Variants in ETNK1 observed in about 807,000 individuals in gnomAD.
The protein encoded by ETNK1 is ethanolamine kinase 1, also known as putative protein product of Nbla10396.
Under a neutral mutation model 45.1 loss-of-function variants are expected in ETNK1, and 8 were observed. The observed-to-expected ratio is 0.18, with a 90% CI of 0.10 to 0.32. ETNK1 has a LOEUF of 0.32. Ranked by LOEUF, ETNK1 falls within the 10% of genes least tolerant of loss-of-function variation. The pLI, the probability that ETNK1 is intolerant of heterozygous loss-of-function variation, is 1.00. For synonymous variants in ETNK1, 152 were observed against 151.9 expected (o/e 1.00, Z -0.01); for missense variants, 302 against 430.6 (o/e 0.70, Z 2.64).
intron 6 of ETNK1, among the ~76,000 whole-genome samples, chr12:22,674,311 A>G (rs1224062880): frequency 6.6e-6 from 1 of 152,180 alleles, no homozygotes; most frequent in Admixed American, 6.5e-5. Flanking sequence ...AGCCAAAGCT[A>G]TTTTAGCTGC....
At chr12:22,668,152 A>G (rs1241871441) in intron 4 of ETNK1, among the ~76,000 whole-genome samples, 2 of 152,190 alleles carry the variant, frequency 1.3e-5, no homozygotes, top group African/African-American at 4.8e-5. Flanking sequence ...TCTCTTCCTA[A>G]GAAAGTGCAC....
chr12:22,650,111 A>G (rs1352321218), intron 2 of ETNK1, among the ~76,000 whole-genome samples: 2 of 152,062 alleles, frequency 1.3e-5, no homozygotes, highest in Non-Finnish European at 2.9e-5. Flanking sequence ...CATTACTGGT[A>G]TGTAGGAAAG....
chr12:22,637,792 T>C (rs962620882), intron 1 of ETNK1, among the ~76,000 whole-genome samples: 5 of 152,060 alleles, frequency 3.3e-5, no homozygotes, highest in African/African-American at 1.2e-4. Flanking sequence ...AATAGTGTAA[T>C]TGAAAATTGA....
chr12:22,642,367 G>A lies in ETNK1; in HGVS notation c.157-1396G>A, dbSNP rs142730908. Reference sequence around the variant, plus strand: ...TTATGATAAAAAATAGTCATTTTAAGTATATATTCTTCCTGACAGTGTCTT... The same window carrying A: ...TTATGATAAAAAATAGTCATTTTAAATATATATTCTTCCTGACAGTGTCTT... On this transcript the variant is annotated intron_variant, in intron 1 of 7. Coordinates refer to ENST00000266517, the MANE Select transcript of ETNK1 (RefSeq NM_018638.5). Among the ~76,000 whole-genome samples the A allele has an allele frequency of 5.4e-3, 820 of 152,070 alleles. 5 individuals are homozygous for A. The highest frequency in any genetic ancestry group is 0.019 in the African/African-American group (775 of 41,514).
chr12:22,673,290 T>C (rs1320003807), intron 5 of ETNK1, among the ~76,000 whole-genome samples: 1 of 152,188 alleles, frequency 6.6e-6, no homozygotes, highest in African/African-American at 2.4e-5. Context: ...ATTGATTTGG[T>C]GATCAACAGT....
At chr12:22,642,679 ATTAG>A (rs1306027595) in intron 1 of ETNK1, among the ~76,000 whole-genome samples, 1 of 152,006 alleles carries the variant, frequency 6.6e-6, no homozygotes, top group Non-Finnish European at 1.5e-5. Flanking sequence ...TTTCTTAAGC[ATTAG>A]TTAAATGTAT....
intron 2 of ETNK1, among the ~76,000 whole-genome samples, chr12:22,650,754 T>C (rs1953864289): frequency 6.6e-6 from 1 of 152,006 alleles, no homozygotes; most frequent in Non-Finnish European, 1.5e-5. Flanking sequence ...ATAGGAAATA[T>C]AAAAATGTAG....
chr12:22,640,621 G>A (rs1244625551), intron 1 of ETNK1, among the ~76,000 whole-genome samples: 7 of 151,778 alleles, frequency 4.6e-5, no homozygotes, highest in South Asian at 4.2e-4. Flanking sequence ...ACGAGCTTAC[G>A]GTGTGCCAAG....
At chr12:22,661,363 G>C (rs1953997839) in intron 4 of ETNK1, 158 bp downstream of exon 4, 2 of 417,884 alleles carry the variant, frequency 4.8e-6, no homozygotes, top group Non-Finnish European at 8.1e-6. Context: ...TATGGTAACT[G>C]TGAAATTTAG....
At chr12:22,637,770 G>A (rs891203259) in intron 1 of ETNK1, among the ~76,000 whole-genome samples, 5 of 152,196 alleles carry the variant, frequency 3.3e-5, no homozygotes, top group East Asian at 3.9e-4. Flanking sequence ...GGGTTTGGAA[G>A]GATGTGTACA....
chr12:22,626,357 C>G (rs982115091), intron 1 of ETNK1, among the ~76,000 whole-genome samples: 1 of 152,032 alleles, frequency 6.6e-6, no homozygotes, highest in African/African-American at 2.4e-5. Flanking sequence ...GAATACTAAT[C>G]TGTTTTTAGC....
At position 22,687,944 on chromosome 12, in the gene ETNK1, A is replaced by C. The variant is rs1487343822; in HGVS notation, c.*2990A>C. On this transcript the variant is annotated 3_prime_UTR_variant, in exon 8 of 8. Transcript: ENST00000266517. ...TCGGCTTTGGTTAATGTCAGTACTC[A>C]TTTATTTAGCCTCTCAGTGCTTAAT... 1.3e-5 allele frequency: 2 copies of C among 152,140 alleles called. No individual in the cohort carries two copies. The highest frequency in any genetic ancestry group is 3.0e-5 in the Non-Finnish European group (2 of 67,746). 9.4% of individuals were successfully genotyped at this position (152,140 alleles called of 1,614,324 possible).
intron 1 of ETNK1, among the ~76,000 whole-genome samples, chr12:22,629,141 A>G (rs1175737461): frequency 6.6e-6 from 1 of 152,148 alleles, no homozygotes; most frequent in East Asian, 1.9e-4. Flanking sequence ...GCTGCTGAGC[A>G]CCTACTATAT....
intron 6 of ETNK1, among the ~76,000 whole-genome samples, chr12:22,676,582 AC>A (rs764195760): frequency 3.3e-5 from 5 of 152,086 alleles, no homozygotes; most frequent in African/African-American, 4.8e-5. Context: ...AGGAATTGCC[AC>A]ACTGTCTTCC....
intron 6 of ETNK1, among the ~76,000 whole-genome samples, chr12:22,683,130 G>T (rs1294717523): frequency 1.3e-5 from 2 of 152,116 alleles, no homozygotes; most frequent in Non-Finnish European, 2.9e-5. Flanking sequence ...AGTGCTTAAA[G>T]CCACACGCCA....
intron 2 of ETNK1, among the ~76,000 whole-genome samples, chr12:22,651,938 G>A (rs547467030): frequency 1.3e-5 from 2 of 152,044 alleles, no homozygotes; most frequent in East Asian, 3.9e-4. Flanking sequence ...TGCCCACCTC[G>A]GCCTCCCAAA....
At chr12:22,654,247 GA>G (rs1327997240) in intron 2 of ETNK1, among the ~76,000 whole-genome samples, 3 of 152,146 alleles carry the variant, frequency 2.0e-5, no homozygotes, top group Non-Finnish European at 4.4e-5. Flanking sequence ...AAAGCAGCCT[GA>G]AAGGACTAAG....
At chr12:22,684,667 T>C (rs1265178879) in intron 7 of ETNK1, 111 bp downstream of exon 7, 10 of 827,878 alleles carry the variant, frequency 1.2e-5, no homozygotes, top group Admixed American at 2.7e-5. Flanking sequence ...AAAAGTTGTA[T>C]ACACTTAGTA....
chr12:22,667,913 G>A (rs1009617848), intron 4 of ETNK1, among the ~76,000 whole-genome samples: 1 of 151,966 alleles, frequency 6.6e-6, no homozygotes, highest in Admixed American at 6.6e-5. Flanking sequence ...CAGTAGTGTC[G>A]GGATTTGATT....
Sources: allele counts gnomAD v4.1 joint callset (sites outside exome capture counted in the v4.1 genomes callset), GRCh38; gene constraint gnomAD v4.1.1; transcripts MANE v1.5; gene names NCBI Gene and HGNC (gene_info 2026-07-23, HGNC 2026-07-21).